Variants in CDH12 observed in about 807,000 individuals in gnomAD.
CDH12 encodes the protein cadherin-12.
Under a neutral mutation model 74.1 loss-of-function variants are expected in CDH12, and 41 were observed. The ratio of observed to expected loss-of-function variants is 0.55; its 90% CI spans 0.43 to 0.72. The LOEUF (loss-of-function observed/expected upper bound fraction) is 0.72, where lower values mean the gene tolerates loss of function less well. Ranked by LOEUF, CDH12 falls within the 30% of genes least tolerant of loss-of-function variation. The pLI is 0.00. For synonymous variants in CDH12, 399 were observed against 355.0 expected (o/e 1.12, Z -1.39); for missense variants, 945 against 977.2 (o/e 0.97, Z 0.44).
chr5:21,808,589 C>G (rs1052069392), intron 9 of CDH12, among the ~76,000 whole-genome samples: 3 of 151,872 alleles, frequency 2.0e-5, no homozygotes, highest in Non-Finnish European at 4.4e-5. Flanking sequence ...CCAGGCTGAA[C>G]CAGGATGCAC....
intron 4 of CDH12, among the ~76,000 whole-genome samples, chr5:22,185,625 T>C (rs577351557): frequency 3.3e-5 from 5 of 152,272 alleles, no homozygotes; most frequent in Non-Finnish European, 5.9e-5. Flanking sequence ...CACATTTCCG[T>C]GTATAAGTGA....
intron 6 of CDH12, among the ~76,000 whole-genome samples, chr5:21,856,520 A>G (rs75567923): frequency 0.048 from 7,221 of 151,922 alleles, 205 homozygotes; most frequent in African/African-American, 0.077. Context: ...ATATTTAGTG[A>G]AAAACATTAA....
At chr5:21,915,981 C>T (rs1561296458) in intron 6 of CDH12, among the ~76,000 whole-genome samples, 1 of 151,844 alleles carries the variant, frequency 6.6e-6, no homozygotes, top group Admixed American at 6.6e-5. Flanking sequence ...ATATAAACAA[C>T]AAAGTATGTG....
chr5:22,068,539 C>A (rs143824393), intron 5 of CDH12, among the ~76,000 whole-genome samples: 287 of 152,270 alleles, frequency 1.9e-3, no homozygotes, highest in African/African-American at 6.7e-3. Context: ...CATTATATAT[C>A]AATTCATGGG....
At chr5:22,479,647 C>G (rs1418488930) in intron 2 of CDH12, among the ~76,000 whole-genome samples, 2 of 152,184 alleles carry the variant, frequency 1.3e-5, no homozygotes, top group Non-Finnish European at 2.9e-5. Flanking sequence ...AAAACAGCAT[C>G]TAAATCATTA....
At chr5:21,779,844 G>T (rs1169518678) in intron 11 of CDH12, among the ~76,000 whole-genome samples, 1 of 152,120 alleles carries the variant, frequency 6.6e-6, no homozygotes, top group African/African-American at 2.4e-5. Context: ...TATGAATAAA[G>T]TTTACTTTTA....
At chr5:22,551,718 C>T (rs567935953) in intron 1 of CDH12, among the ~76,000 whole-genome samples, 1 of 148,280 alleles carries the variant, frequency 6.7e-6, no homozygotes, top group African/African-American at 2.5e-5. Flanking sequence ...AAGAAGCAAC[C>T]CATTATAAAA....
intron 4 of CDH12, among the ~76,000 whole-genome samples, chr5:22,109,004 C>T (rs1376549346): frequency 3.9e-5 from 6 of 151,922 alleles, no homozygotes; most frequent in African/African-American, 7.3e-5. Flanking sequence ...TTTTACCAAG[C>T]GATTACCAGA....
At chr5:22,390,602 A>G (rs1035425187) in intron 3 of CDH12, among the ~76,000 whole-genome samples, 2 of 152,116 alleles carry the variant, frequency 1.3e-5, no homozygotes, top group Middle Eastern at 3.4e-3. Flanking sequence ...AGATAGATAG[A>G]TAGATAGATA....
At chr5:21,804,665 C>A (rs1281700542) in intron 9 of CDH12, among the ~76,000 whole-genome samples, 119 of 150,682 alleles carry the variant, frequency 7.9e-4, no homozygotes, top group Non-Finnish European at 1.3e-3. Context: ...CACACACACA[C>A]ACACACACAC....
At chr5:22,763,399 A>C (rs1426808079) in intron 1 of CDH12, among the ~76,000 whole-genome samples, 1 of 151,982 alleles carries the variant, frequency 6.6e-6, no homozygotes, top group Non-Finnish European at 1.5e-5. Flanking sequence ...AATGTGAAAG[A>C]AAATGATTAT....
intron 3 of CDH12, among the ~76,000 whole-genome samples, chr5:22,391,003 G>A (rs1742225336): frequency 6.6e-6 from 1 of 152,182 alleles, no homozygotes; most frequent in Non-Finnish European, 1.5e-5. Flanking sequence ...TTCTATGATA[G>A]AGTGAACTAT....
chr5:22,649,572 A>G (rs984850942), intron 1 of CDH12, among the ~76,000 whole-genome samples: 6 of 152,046 alleles, frequency 3.9e-5, no homozygotes, highest in Non-Finnish European at 8.8e-5. Flanking sequence ...TTTCAAAGAT[A>G]AGAAATGCTA....
At chr5:22,744,370 A>G (rs1012881008) in intron 1 of CDH12, among the ~76,000 whole-genome samples, 9 of 151,664 alleles carry the variant, frequency 5.9e-5, no homozygotes, top group African/African-American at 2.2e-4. Context: ...CAGAGGTTGC[A>G]GTGAGCTGAG....
intron 6 of CDH12, among the ~76,000 whole-genome samples, chr5:21,927,988 C>G (rs984986636): frequency 2.6e-5 from 4 of 151,894 alleles, no homozygotes; most frequent in Admixed American, 2.6e-4. Flanking sequence ...AGGAGAATGG[C>G]GTGAACCCGG....
At chr5:22,057,723 G>A (rs1228340917) in intron 5 of CDH12, among the ~76,000 whole-genome samples, 1 of 152,040 alleles carries the variant, frequency 6.6e-6, no homozygotes, top group East Asian at 1.9e-4. Context: ...GAAAACCCAC[G>A]AAAGTCAGAT....
intron 1 of CDH12, among the ~76,000 whole-genome samples, chr5:22,535,921 AC>A (rs1230892618): frequency 1.3e-5 from 2 of 152,184 alleles, no homozygotes; most frequent in Non-Finnish European, 2.9e-5. Flanking sequence ...ACACATACAG[AC>A]TTTTTTCTTG....
chr5:22,713,295 C>G lies in CDH12; in HGVS notation c.-523+139763G>C, dbSNP rs147158500. On this transcript the variant is annotated intron_variant, in intron 1 of 14. Coordinates refer to ENST00000382254, the MANE Select transcript of CDH12 (RefSeq NM_004061.5). ...AGCTGGGACTACAGGCACAAACCACCATGCCCCACTGATTTTTTTGTATTT... is the reference window on the plus strand; with the variant it reads ...AGCTGGGACTACAGGCACAAACCACGATGCCCCACTGATTTTTTTGTATTT... Among the ~76,000 whole-genome samples, 918 of 151,862 alleles carry G rather than the reference C, an allele frequency of 6.0e-3. 7 individuals carry two copies. Among genetic ancestry groups the G allele is most frequent in the Middle Eastern group, 0.027 (8 of 292 alleles).
chr5:22,655,573 AC>A (rs1442645406), intron 1 of CDH12, among the ~76,000 whole-genome samples: 3 of 152,204 alleles, frequency 2.0e-5, no homozygotes, highest in Non-Finnish European at 4.4e-5. Context: ...AGAAGGACCT[AC>A]AATTTTAAAT....
Sources: allele counts gnomAD v4.1 joint callset (sites outside exome capture counted in the v4.1 genomes callset), GRCh38; gene constraint gnomAD v4.1.1; transcripts MANE v1.5; gene names NCBI Gene and HGNC (gene_info 2026-07-23, HGNC 2026-07-21).